SLC35F4: variants seen among roughly 807,000 people sequenced by gnomAD.
SLC35F4 encodes the protein solute carrier family 35 member F4.
In SLC35F4, 24 loss-of-function variants were observed where a neutral mutation model predicts 44.2. The ratio of observed to expected loss-of-function variants is 0.54; its 90% CI spans 0.39 to 0.76. The LOEUF is 0.76. Among genes scored for constraint, SLC35F4 ranks in the 30% least tolerant of loss-of-function variants. The pLI, the probability that SLC35F4 is intolerant of heterozygous loss-of-function variation, is 0.00. For synonymous variants in SLC35F4, 238 were observed against 223.6 expected, an observed-to-expected ratio of 1.06 and a Z score of -0.57; for missense variants, 562 against 586.1, an observed-to-expected ratio of 0.96 and a Z score of 0.42.
intron 1 of SLC35F4, among the ~76,000 whole-genome samples, chr14:57,783,582 G>A (rs2077682416): frequency 6.6e-6 from 1 of 152,166 alleles, no homozygotes; most frequent in Non-Finnish European, 1.5e-5. Flanking sequence ...CAAACACCCA[G>A]CAGCCAATCT....
intron 1 of SLC35F4, chr14:57,630,029 T>C: frequency 1.9e-6 from 1 of 535,638 alleles, no homozygotes; most frequent in Non-Finnish European, 3.8e-6. Flanking sequence ...TATGTTCCGC[T>C]TGATTTCTAC....
In SLC35F4 at chr14:57,741,902, G is replaced by C. The variant is rs28813525; in HGVS notation, c.103+123821C>G. Among the ~76,000 whole-genome samples the C allele has an allele frequency of 4.5e-3, 685 of 152,314 alleles. 4 individuals are homozygous for C. Among genetic ancestry groups the C allele is most frequent in the African/African-American group, 0.016 (655 of 41,560 alleles). On this transcript the variant is annotated intron_variant, in intron 1 of 7. Coordinates refer to ENST00000556826, the MANE Select transcript of SLC35F4 (RefSeq NM_001306087.2). ...GGTACAAACTCTACAAGCCAGAAGA[G>C]AGTGGGGGCCAATATTCAACATTCT...
chr14:57,770,237 G>A (rs191285077), intron 1 of SLC35F4, among the ~76,000 whole-genome samples: 100 of 152,306 alleles, frequency 6.6e-4, no homozygotes, highest in African/African-American at 1.7e-3. Context: ...CCGAGGTCAC[G>A]GGGCTCTTCC....
Position 57,918,075 on chromosome 14 carries a change from T to A in SLC35F4, n.282+63838A>T, listed in dbSNP as rs145082800. Among the ~76,000 whole-genome samples the A allele has an allele frequency of 4.6e-5, 7 of 152,318 alleles. No individual in the cohort carries two copies. The East Asian group carries it at 1.4e-3, about 29-fold the overall frequency. ...GTTGAGGATCTGGTATAATAGTTTATCCTAAAGGCAGGCCTTGTTAAGAAG... is the reference window on the plus strand; with the variant it reads ...GTTGAGGATCTGGTATAATAGTTTAACCTAAAGGCAGGCCTTGTTAAGAAG... On this transcript the variant is annotated intron_variant and non_coding_transcript_variant, in intron 1 of 1. Transcript: ENST00000556568.
chr14:57,699,307 G>A (rs1594825241), intron 1 of SLC35F4, among the ~76,000 whole-genome samples: 2 of 152,250 alleles, frequency 1.3e-5, no homozygotes, highest in South Asian at 4.1e-4. Context: ...AATCTTTAAT[G>A]CCAATGTTTA....
chr14:57,768,027 A>G (rs1239512921), intron 1 of SLC35F4, among the ~76,000 whole-genome samples: 1 of 152,210 alleles, frequency 6.6e-6, no homozygotes, highest in Non-Finnish European at 1.5e-5. Flanking sequence ...TTCTTGGAAA[A>G]GAAAGTTTTA....
At chr14:57,767,479 T>A (rs1695669124) in intron 1 of SLC35F4, among the ~76,000 whole-genome samples, 1 of 152,050 alleles carries the variant, frequency 6.6e-6, no homozygotes, top group African/African-American at 2.4e-5. Context: ...CGAAGAAACT[T>A]TTAAAGTACT....
At chr14:57,854,148 A>G (rs563070059) in intron 1 of SLC35F4, among the ~76,000 whole-genome samples, 15 of 152,328 alleles carry the variant, frequency 9.8e-5, no homozygotes, top group Admixed American at 8.5e-4. Flanking sequence ...TTGTATTGTA[A>G]CTACACTACA....
chr14:57,859,669 G>C (rs1393663240), intron 1 of SLC35F4, among the ~76,000 whole-genome samples: 2 of 152,154 alleles, frequency 1.3e-5, no homozygotes, highest in Non-Finnish European at 2.9e-5. Flanking sequence ...TATTTTTAAG[G>C]TGCGTATGCT....
At chr14:57,655,926 T>C (rs749758769) in intron 1 of SLC35F4, among the ~76,000 whole-genome samples, 1 of 152,122 alleles carries the variant, frequency 6.6e-6, no homozygotes, top group Non-Finnish European at 1.5e-5. Flanking sequence ...TATATCCTGA[T>C]ATGTGTGATC....
intron 1 of SLC35F4, among the ~76,000 whole-genome samples, chr14:57,764,226 T>C (rs1000661097): frequency 1.3e-5 from 2 of 152,214 alleles, no homozygotes; most frequent in Admixed American, 6.5e-5. Flanking sequence ...AATTGTTGTT[T>C]TTAAGCTGTC....
chr14:57,623,344 C>T (rs2072299972), intron 1 of SLC35F4, among the ~76,000 whole-genome samples: 1 of 152,176 alleles, frequency 6.6e-6, no homozygotes, highest in South Asian at 2.1e-4. Context: ...GAGACTTAGA[C>T]TCCCACACAA....
At chr14:57,628,205 C>T (rs4901802) in intron 1 of SLC35F4, among the ~76,000 whole-genome samples, 104,713 of 148,610 alleles carry the variant, frequency 0.7, 37,741 homozygotes, top group Middle Eastern at 0.79. Flanking sequence ...ACGAGTTGTA[C>T]AGAAAAAAGA....
chr14:57,716,150 C>T (rs1228348560), intron 1 of SLC35F4, among the ~76,000 whole-genome samples: 1 of 152,120 alleles, frequency 6.6e-6, no homozygotes, highest in Non-Finnish European at 1.5e-5. Context: ...CATTCATCCA[C>T]TGAAGGCAGC....
At chr14:57,714,822 C>G (rs1305521714) in intron 1 of SLC35F4, among the ~76,000 whole-genome samples, 1 of 152,202 alleles carries the variant, frequency 6.6e-6, no homozygotes, top group Non-Finnish European at 1.5e-5. Flanking sequence ...ACGATCTACA[C>G]CACAGGTGGC....
At chr14:57,689,866 C>T (rs567138488) in intron 1 of SLC35F4, among the ~76,000 whole-genome samples, 63 of 151,936 alleles carry the variant, frequency 4.1e-4, no homozygotes, top group African/African-American at 1.4e-3. Context: ...TGCACAGGTA[C>T]CCTAAAACTT....
intron 3 of SLC35F4, among the ~76,000 whole-genome samples, chr14:57,586,541 C>T (rs2069732808): frequency 6.6e-6 from 1 of 151,284 alleles, no homozygotes; most frequent in Non-Finnish European, 1.5e-5. Flanking sequence ...CACAGTGAAA[C>T]CCCATCTCTA....
intron 1 of SLC35F4, among the ~76,000 whole-genome samples, chr14:57,820,094 C>T (rs1231918116): frequency 6.6e-6 from 1 of 152,076 alleles, no homozygotes. Flanking sequence ...ATTTGTATGC[C>T]TATACCACAC....
chr14:57,583,184 G>A (rs1002356685), intron 3 of SLC35F4, among the ~76,000 whole-genome samples: 2 of 152,180 alleles, frequency 1.3e-5, no homozygotes, highest in Non-Finnish European at 2.9e-5. Context: ...TCTCTTTGAA[G>A]CCCCACAGCC....
Sources: allele counts gnomAD v4.1 joint callset (sites outside exome capture counted in the v4.1 genomes callset), GRCh38; gene constraint gnomAD v4.1.1; transcripts MANE v1.5; gene names NCBI Gene and HGNC (gene_info 2026-07-23, HGNC 2026-07-21).